The following CASR variants were observed in gnomAD, a reference collection of about 807,000 sequenced individuals.
CASR encodes the protein calcium sensing receptor.
In CASR, 23 loss-of-function variants were observed where a neutral mutation model predicts 69.1. That is an observed-to-expected ratio of 0.33 (90% CI 0.24 to 0.47). CASR has a LOEUF of 0.47. Ranked by LOEUF, CASR falls within the 20% of genes least tolerant of loss-of-function variation. The pLI is 1.00. For missense variants in CASR, 924 were observed against 1,356.1 expected, an observed-to-expected ratio of 0.68 and a Z score of 5.00; for synonymous variants, 541 against 544.7, an observed-to-expected ratio of 0.99 and a Z score of 0.10.
At chr3:122,255,806 C>T (rs916561969) in intron 2 of CASR, among the ~76,000 whole-genome samples, 1 of 152,004 alleles carries the variant, frequency 6.6e-6, no homozygotes, top group Non-Finnish European at 1.5e-5. Context: ...AAAGTTAGAC[C>T]AAGAGCTTAG....
Position 122,285,004 on chromosome 3 carries a change from A to C in CASR, c.3050A>C (p.Gln1017Pro), listed in dbSNP as rs779116209. The stretch of plus-strand genomic sequence containing the variant: ...CGACACGAGCCATTACTCCCGCTGC[A>C]GTGCGGGGAAACGGACTTAGATCTG... ...LTRHEPLLPL[Q>P]CGETDLDLTV... The change falls in exon 7 of 7, where the codon CAG becomes CCG. Residue 1017 changes from glutamine (Q) to proline (P), a missense_variant. Physicochemically the swap from Gln to Pro is moderately conservative, Grantham distance 76. Coordinates refer to ENST00000639785, the MANE Select transcript of CASR (RefSeq NM_000388.4). The C allele has an allele frequency of 1.9e-6, 3 of 1,614,214 alleles. No individual in the cohort carries two copies. Among genetic ancestry groups the C allele is most frequent in the Non-Finnish European group, 2.5e-6 (3 of 1,180,022 alleles).
At chr3:122,264,668 T>C (rs1286089231) in intron 4 of CASR, among the ~76,000 whole-genome samples, 1 of 152,182 alleles carries the variant, frequency 6.6e-6, no homozygotes, top group Non-Finnish European at 1.5e-5. Flanking sequence ...ATCAGAACTC[T>C]AGGGAGGAAT....
intron 1 of CASR, among the ~76,000 whole-genome samples, chr3:122,252,459 G>GAAAGAAAGAAAGAGAAAAAAAAGAA (rs1559954451): frequency 4.8e-5 from 3 of 62,288 alleles, no homozygotes; most frequent in Non-Finnish European, 9.3e-5. Flanking sequence ...AAAAAGAAAA[G>GAAAGAAAGAAAGAGAAAAAAAAGAA]AAAGAAAAGA....
At chr3:122,233,867 A>G (rs1229640576) in intron 1 of CASR, among the ~76,000 whole-genome samples, 1 of 152,160 alleles carries the variant, frequency 6.6e-6, no homozygotes, top group Non-Finnish European at 1.5e-5. Context: ...CTTAGCTAAA[A>G]GTTTTTCACT....
intron 3 of CASR, among the ~76,000 whole-genome samples, chr3:122,259,113 G>A (rs1005067324): frequency 6.6e-6 from 1 of 152,038 alleles, no homozygotes; most frequent in Admixed American, 6.5e-5. Flanking sequence ...TTTTTGGGGG[G>A]TTGGGGCACA....
intron 1 of CASR, among the ~76,000 whole-genome samples, chr3:122,206,909 ATTG>A (rs990593295): frequency 1.1e-4 from 16 of 151,748 alleles, no homozygotes; most frequent in Non-Finnish European, 7.4e-5. Context: ...TTCAGTCTCA[ATTG>A]TTGTTTCCTT....
chr3:122,201,294 C>T (rs991167815), intron 1 of CASR, among the ~76,000 whole-genome samples: 64 of 152,152 alleles, frequency 4.2e-4, no homozygotes, highest in African/African-American at 2.9e-4. Context: ...ACAGCACATG[C>T]TTCAGAGAGC....
Position 122,257,064 on chromosome 3 carries a change from C to G in CASR, c.186-17C>G. 3 of 1,612,252 alleles carry G rather than the reference C, an allele frequency of 1.9e-6. No homozygotes were observed. Among genetic ancestry groups the G allele is most frequent in the Non-Finnish European group, 2.5e-6 (3 of 1,178,232 alleles). On this transcript the variant is annotated splice_polypyrimidine_tract_variant and intron_variant, in intron 2 of 6. Coordinates refer to ENST00000639785, the MANE Select transcript of CASR (RefSeq NM_000388.4). ...CTAGAAAGCTTCCCATTTTCTTCCACTTCTTCTTTCTTCCAGGTATAATTT... is the reference window on the plus strand; with the variant it reads ...CTAGAAAGCTTCCCATTTTCTTCCAGTTCTTCTTTCTTCCAGGTATAATTT...
chr3:122,271,709 T>C (rs1363754300), intron 4 of CASR, among the ~76,000 whole-genome samples: 1 of 152,142 alleles, frequency 6.6e-6, no homozygotes, highest in Non-Finnish European at 1.5e-5. Context: ...TTTTAGAACA[T>C]TTTCACCACA....
intron 1 of CASR, among the ~76,000 whole-genome samples, chr3:122,201,823 C>A (rs894630620): frequency 1.6e-4 from 24 of 151,108 alleles, no homozygotes; most frequent in African/African-American, 3.4e-4. Context: ...AGACGATGGG[C>A]GGCCGGGCAG....
Position 122,290,616 on chromosome 3 carries a change from T to C in CASR, c.*5425T>C, listed in dbSNP as rs2075004935. ...TAAGCACAAAATTATAACAGGAAAA[T>C]AAAGAAAAGAATTTAAAATAAACAT... On this transcript the variant is annotated 3_prime_UTR_variant, in exon 7 of 7. Transcript: ENST00000639785. 3.3e-5 allele frequency: 5 copies of C among 152,052 alleles called. No individual in the cohort carries two copies. The highest frequency in any genetic ancestry group is 3.3e-4 in the Admixed American group (5 of 15,276). 9.4% of individuals were successfully genotyped at this position (152,052 alleles called of 1,614,324 possible). A position where few individuals can be genotyped will look rare whatever the true frequency, so the allele number is the denominator to read the frequency against.
intron 1 of CASR, among the ~76,000 whole-genome samples, chr3:122,188,360 G>A (rs2073807030): frequency 1.3e-5 from 2 of 152,210 alleles, no homozygotes; most frequent in African/African-American, 4.8e-5. Flanking sequence ...TTGAAGAGGT[G>A]AAGCCTGAGA....
chr3:122,224,702 C>G (rs949299135), intron 1 of CASR, among the ~76,000 whole-genome samples: 2 of 152,106 alleles, frequency 1.3e-5, no homozygotes, highest in African/African-American at 2.4e-5. Flanking sequence ...TTCTAAAATT[C>G]ACGTAGAACC....
chr3:122,188,330 TG>T (rs2073806714), intron 1 of CASR, among the ~76,000 whole-genome samples: 1 of 152,190 alleles, frequency 6.6e-6, no homozygotes, highest in Admixed American at 6.5e-5. Flanking sequence ...TCATTAGATG[TG>T]GTCAGTGAGG....
chr3:122,205,860 T>G (rs2074001664), intron 1 of CASR, among the ~76,000 whole-genome samples: 1 of 152,082 alleles, frequency 6.6e-6, no homozygotes, highest in Non-Finnish European at 1.5e-5. Context: ...TATGATTTCT[T>G]TTTCAGATTG....
intron 5 of CASR, 123 bp from the exon 6 acceptor site, chr3:122,281,990 C>A: frequency 7.1e-7 from 1 of 1,414,242 alleles, no homozygotes; most frequent in South Asian, 1.2e-5. Flanking sequence ...GGAATGGGCC[C>A]AACGTCTGTC....
At chr3:122,185,231 G>C (rs1156971565) in intron 1 of CASR, among the ~76,000 whole-genome samples, 1 of 152,174 alleles carries the variant, frequency 6.6e-6, no homozygotes, top group Non-Finnish European at 1.5e-5. Context: ...TAGCATGTGT[G>C]TCTATTGCTG....
intron 1 of CASR, among the ~76,000 whole-genome samples, chr3:122,253,679 C>T (rs1457914914): frequency 2.0e-5 from 3 of 152,222 alleles, no homozygotes; most frequent in Non-Finnish European, 4.4e-5. Context: ...TAAAATCCAG[C>T]ATCAGCACCA....
intron 3 of CASR, among the ~76,000 whole-genome samples, chr3:122,260,747 G>T (rs995837875): frequency 4.6e-5 from 7 of 152,068 alleles, no homozygotes; most frequent in African/African-American, 1.7e-4. Flanking sequence ...GTGGGATGGA[G>T]AGGAAGGGAG....
Sources: gnomAD v4.1 joint callset for allele counts (sites outside exome capture counted in the v4.1 genomes callset) on GRCh38, gnomAD v4.1.1 for gene constraint, MANE v1.5 for transcripts, NCBI Gene and HGNC (gene_info 2026-07-23, HGNC 2026-07-21) for gene names.